SHANK2: variants seen among roughly 807,000 people sequenced by gnomAD.
SHANK2 encodes SH3 and multiple ankyrin repeat domains 2.
A neutral mutation model predicts 133.7 loss-of-function variants in SHANK2; 43 were observed. The observed-to-expected ratio is 0.32, with a 90% CI of 0.25 to 0.41. SHANK2 has a LOEUF of 0.41. SHANK2 is among the 10% of genes least tolerant of loss of function. SHANK2 has a pLI of 1.00. For synonymous variants in SHANK2, 1,017 were observed against 952.8 expected (o/e 1.07, Z -1.24); for missense variants, 1,994 against 2,235.8 (o/e 0.89, Z 2.18).
chr11:70,733,880 G>T (rs1946339334), intron 14 of SHANK2, among the ~76,000 whole-genome samples: 1 of 152,238 alleles, frequency 6.6e-6, no homozygotes, highest in African/African-American at 2.4e-5. Flanking sequence ...CCAAGGCGGG[G>T]AGGGTGACCC....
At chr11:70,679,217 G>A (rs1273509777) in intron 15 of SHANK2, among the ~76,000 whole-genome samples, 1 of 152,240 alleles carries the variant, frequency 6.6e-6, no homozygotes, top group Non-Finnish European at 1.5e-5. Context: ...ACAACACACT[G>A]TGGAGGGAGG....
At chr11:70,727,184 C>T (rs1388500739) in intron 14 of SHANK2, among the ~76,000 whole-genome samples, 3 of 152,240 alleles carry the variant, frequency 2.0e-5, no homozygotes, top group Non-Finnish European at 4.4e-5. Flanking sequence ...ATGGAGATGA[C>T]AAATCTTGCC....
chr11:71,144,672 T>C (rs1952612846), intron 3 of SHANK2, among the ~76,000 whole-genome samples: 1 of 152,164 alleles, frequency 6.6e-6, no homozygotes, highest in South Asian at 2.1e-4. Context: ...GAAAAAAAAC[T>C]GTAACAAGAA....
At chr11:70,943,076 A>G (rs1309798967) in intron 10 of SHANK2, 3 of 456,782 alleles carry the variant, frequency 6.6e-6, no homozygotes, top group African/African-American at 6.0e-5. Flanking sequence ...CAGAGGAAGC[A>G]CTTCGGCTCT....
chr11:70,747,885 T>C (rs908209680), intron 14 of SHANK2, among the ~76,000 whole-genome samples: 72 of 152,242 alleles, frequency 4.7e-4, no homozygotes, highest in African/African-American at 1.6e-3. Context: ...ACACATGATG[T>C]ACATATAGCA....
chr11:70,879,216 C>T (rs1949618832), intron 11 of SHANK2, among the ~76,000 whole-genome samples: 1 of 152,252 alleles, frequency 6.6e-6, no homozygotes, highest in African/African-American at 2.4e-5. Context: ...AAAGCAACAG[C>T]ACTTAGGTAC....
chr11:70,785,753 A>G (rs2135141785), intron 14 of SHANK2, among the ~76,000 whole-genome samples: 1 of 152,308 alleles, frequency 6.6e-6, no homozygotes, highest in Admixed American at 6.5e-5. Flanking sequence ...CAGGGGGTGC[A>G]GTGACAAAGC....
chr11:70,770,548 A>C (rs964866786), intron 14 of SHANK2, among the ~76,000 whole-genome samples: 1 of 152,216 alleles, frequency 6.6e-6, no homozygotes, highest in African/African-American at 2.4e-5. Flanking sequence ...CTGGGAAGTT[A>C]CTTAGGCCCA....
intron 17 of SHANK2, among the ~76,000 whole-genome samples, chr11:70,504,437 G>A (rs1483199169): frequency 7.7e-6 from 1 of 130,498 alleles, no homozygotes; most frequent in East Asian, 3.8e-4. Flanking sequence ...AGGCAGGGCT[G>A]CGAGGAGCCC....
chr11:70,920,228 C>A (rs778968730), intron 10 of SHANK2, among the ~76,000 whole-genome samples: 3 of 152,136 alleles, frequency 2.0e-5, no homozygotes. Flanking sequence ...TTTAAAAGCA[C>A]TCTCTATAAA....
intron 14 of SHANK2, among the ~76,000 whole-genome samples, chr11:70,759,773 G>A (rs1283171921): frequency 3.3e-5 from 5 of 152,198 alleles, no homozygotes; most frequent in Admixed American, 6.5e-5. Flanking sequence ...AGCAAGCCCC[G>A]GCCTTGGGAT....
intron 15 of SHANK2, among the ~76,000 whole-genome samples, chr11:70,673,718 C>T (rs1944858032): frequency 6.6e-6 from 1 of 152,218 alleles, no homozygotes. Context: ...GAGTGGGAGG[C>T]CATGAGAAAC....
At chr11:70,784,675 C>G (rs575796365) in intron 14 of SHANK2, among the ~76,000 whole-genome samples, 1 of 152,280 alleles carries the variant, frequency 6.6e-6, no homozygotes, top group African/African-American at 2.4e-5. Flanking sequence ...GTGTTACTGT[C>G]CCCCTCTGTG....
intron 14 of SHANK2, among the ~76,000 whole-genome samples, chr11:70,742,520 G>A (rs1946550312): frequency 6.6e-6 from 1 of 152,200 alleles, no homozygotes; most frequent in South Asian, 2.1e-4. Flanking sequence ...TGAGAGGGAC[G>A]GGGAATCCTA....
intron 17 of SHANK2, among the ~76,000 whole-genome samples, chr11:70,542,768 C>G (rs2059638683): frequency 1.3e-5 from 2 of 152,202 alleles, no homozygotes; most frequent in South Asian, 4.1e-4. Context: ...ACAACCTGAT[C>G]ACGCAGCTTC....
chr11:70,672,623 G>A (rs1199857255), intron 15 of SHANK2, among the ~76,000 whole-genome samples: 1 of 152,230 alleles, frequency 6.6e-6, no homozygotes, highest in Non-Finnish European at 1.5e-5. Flanking sequence ...GGGCCTTGCC[G>A]CCTGGTGGCT....
intron 10 of SHANK2, among the ~76,000 whole-genome samples, chr11:70,936,530 GA>G (rs1370836318): frequency 6.6e-6 from 1 of 152,048 alleles, no homozygotes; most frequent in African/African-American, 2.4e-5. Context: ...AAAAAAGAGA[GA>G]ATTATATAAA....
At chr11:70,649,159 C>T (rs1212581528) in intron 17 of SHANK2, among the ~76,000 whole-genome samples, 1 of 152,204 alleles carries the variant, frequency 6.6e-6, no homozygotes, top group Non-Finnish European at 1.5e-5. Flanking sequence ...CATCTGCAAC[C>T]CCAGCCCTGA....
At chr11:70,811,500 C>T (rs1453625432) in intron 12 of SHANK2, among the ~76,000 whole-genome samples, 1 of 152,034 alleles carries the variant, frequency 6.6e-6, no homozygotes, top group Non-Finnish European at 1.5e-5. Context: ...GGCCTCCTTG[C>T]CCAAATACCT....
Sources: gnomAD v4.1 joint callset for allele counts (sites outside exome capture counted in the v4.1 genomes callset) on GRCh38, gnomAD v4.1.1 for gene constraint, MANE v1.5 for transcripts, NCBI Gene and HGNC (gene_info 2026-07-23, HGNC 2026-07-21) for gene names.